NDST3: variants seen among roughly 807,000 people sequenced by gnomAD.
The protein encoded by NDST3 is N-deacetylase and N-sulfotransferase 3, also known as bifunctional heparan sulfate N-deacetylase/N-sulfotransferase 3.
Under a neutral mutation model 96.1 loss-of-function variants are expected in NDST3, and 58 were observed. The observed-to-expected ratio is 0.60, with a 90% CI of 0.49 to 0.75. The LOEUF is 0.75. Ranked by LOEUF, NDST3 falls within the 30% of genes least tolerant of loss-of-function variation. NDST3 has a pLI of 0.00. For synonymous variants in NDST3, 333 were observed against 359.7 expected (o/e 0.93, Z 0.84); for missense variants, 788 against 1,034.2 (o/e 0.76, Z 3.27).
At chr4:118,171,273 G>A (rs1232463654) in intron 6 of NDST3, among the ~76,000 whole-genome samples, 1 of 152,002 alleles carries the variant, frequency 6.6e-6, no homozygotes, top group East Asian at 1.9e-4. Context: ...CTACAAATTT[G>A]GGCCAGGAGA....
chr4:118,183,227 C>T (rs982572203), intron 6 of NDST3, among the ~76,000 whole-genome samples: 4 of 152,114 alleles, frequency 2.6e-5, no homozygotes, highest in Admixed American at 1.3e-4. Flanking sequence ...TCTGTTGTTC[C>T]AGAATCTCAT....
intron 6 of NDST3, among the ~76,000 whole-genome samples, chr4:118,195,637 T>C (rs1252354245): frequency 6.6e-6 from 1 of 152,248 alleles, no homozygotes; most frequent in Non-Finnish European, 1.5e-5. Flanking sequence ...GATTACTTTC[T>C]TGATTTCTTT....
intron 2 of NDST3, among the ~76,000 whole-genome samples, chr4:118,094,582 C>G (rs542053417): frequency 6.6e-6 from 1 of 151,688 alleles, no homozygotes; most frequent in Non-Finnish European, 1.5e-5. Context: ...CTCTATTTAC[C>G]CTTTAGTTAC....
Position 118,258,375 on chromosome 4 carries a change from A to G in NDST3, c.*2663A>G, listed in dbSNP as rs1742236971. On this transcript the variant is annotated 3_prime_UTR_variant, in exon 14 of 14. Transcript: ENST00000296499. ...TGAAAGTAACATAAATACATATGAG[A>G]GAATAATGAGAGATAATCTGATTTA... 1 of 152,228 alleles carries G rather than the reference A, an allele frequency of 6.6e-6. No homozygotes were observed. Among genetic ancestry groups the G allele is most frequent in the South Asian group, 2.1e-4 (1 of 4,832 alleles). 9.4% of individuals were successfully genotyped at this position (152,228 alleles called of 1,614,324 possible). A position where few individuals can be genotyped will look rare whatever the true frequency, so the allele number is the denominator to read the frequency against.
At chr4:118,174,417 T>A (rs1267742165) in intron 6 of NDST3, among the ~76,000 whole-genome samples, 1 of 152,154 alleles carries the variant, frequency 6.6e-6, no homozygotes, top group Non-Finnish European at 1.5e-5. Flanking sequence ...ACAAGAGAAA[T>A]CAGATCTGAT....
At chr4:118,068,827 G>A (rs1337522248) in intron 2 of NDST3, among the ~76,000 whole-genome samples, 2 of 152,040 alleles carry the variant, frequency 1.3e-5, no homozygotes, top group African/African-American at 4.8e-5. Context: ...ATATATAATG[G>A]AAAGAGGTCA....
At chr4:118,094,576 AT>A (rs1160172411) in intron 2 of NDST3, among the ~76,000 whole-genome samples, 3 of 151,688 alleles carry the variant, frequency 2.0e-5, no homozygotes, top group Admixed American at 1.3e-4. Context: ...CATTATCTCT[AT>A]TTACCCTTTA....
chr4:118,204,747 T>C (rs1030895325), intron 6 of NDST3, among the ~76,000 whole-genome samples: 4 of 144,856 alleles, frequency 2.8e-5, no homozygotes, highest in Non-Finnish European at 6.1e-5. Context: ...TGAATATAAA[T>C]ATAAATCTAT....
At chr4:118,171,506 GT>G (rs1206338641) in intron 6 of NDST3, among the ~76,000 whole-genome samples, 1 of 149,994 alleles carries the variant, frequency 6.7e-6, no homozygotes, top group African/African-American at 2.5e-5. Flanking sequence ...ATCCACTGGG[GT>G]TTTTTTGTCT....
Position 118,253,494 on chromosome 4 carries a change from T to C in NDST3, c.2400-5T>C. The stretch of plus-strand genomic sequence containing the variant: ...TTTTTCTGTGTGTATTCTTTTTTTT[T>C]TTAGGTTTGATTCTCATAAAGGTTT... On this transcript the variant is annotated splice_region_variant and splice_polypyrimidine_tract_variant and intron_variant, in intron 12 of 13. Transcript: ENST00000296499. 2 of 1,586,468 alleles carry C rather than the reference T, an allele frequency of 1.3e-6. No individual in the cohort carries two copies. Among genetic ancestry groups the C allele is most frequent in the East Asian group, 2.2e-5 (1 of 44,602 alleles).
At chr4:118,116,771 T>C (rs981995894) in intron 4 of NDST3, among the ~76,000 whole-genome samples, 2 of 151,480 alleles carry the variant, frequency 1.3e-5, no homozygotes, top group Non-Finnish European at 2.9e-5. Flanking sequence ...GGCAGGAGAA[T>C]GGTATGAACC....
At chr4:118,197,517 T>A (rs1737774439) in intron 6 of NDST3, among the ~76,000 whole-genome samples, 1 of 152,186 alleles carries the variant, frequency 6.6e-6, no homozygotes, top group African/African-American at 2.4e-5. Context: ...ATATTTAAAA[T>A]CGTTATATCC....
rs34436506 is a variant in NDST3 at position 118,247,206 on chromosome 4, T to TAAA, written c.2399+5070_2399+5072dup. ...GTTATATCCACACACCAGGGGGGTT[T>TAAA]AAAAAAAAAAAAAAAGGAATGTCCA... On this transcript the variant is annotated intron_variant, in intron 12 of 13. Coordinates refer to ENST00000296499, the MANE Select transcript of NDST3 (RefSeq NM_004784.3). 3.0e-3 allele frequency among the ~76,000 whole-genome samples: 425 copies of TAAA among 142,808 alleles called. 1 individual carries two copies. The highest frequency in any genetic ancestry group is 0.01 in the African/African-American group (408 of 39,032). 93.7% of individuals were successfully genotyped at this position (142,808 alleles called of 152,430 possible). A position where few individuals can be genotyped will look rare whatever the true frequency, so the allele number is the denominator to read the frequency against.
intron 6 of NDST3, among the ~76,000 whole-genome samples, chr4:118,203,810 C>T (rs1219051150): frequency 1.3e-5 from 2 of 152,124 alleles, no homozygotes; most frequent in Admixed American, 1.3e-4. Context: ...CCATTTTTAT[C>T]TTGAATCTTA....
upstream of NDST3, chr4:118,033,472 GC>G (rs1723984868): frequency 1.3e-5 from 2 of 152,044 alleles, no homozygotes; most frequent in Non-Finnish European, 2.9e-5. Context: ...CGAGGCCCGG[GC>G]AGCCAGATCC....
intron 6 of NDST3, among the ~76,000 whole-genome samples, chr4:118,148,461 G>A (rs915395073): frequency 2.0e-5 from 3 of 152,030 alleles, no homozygotes; most frequent in African/African-American, 7.2e-5. Context: ...TTGTCTCTCT[G>A]TTTCTCAATT....
chr4:118,065,437 T>G (rs146684398), intron 2 of NDST3, among the ~76,000 whole-genome samples: 11 of 152,232 alleles, frequency 7.2e-5, no homozygotes, highest in African/African-American at 2.6e-4. Context: ...TTCCTTCACT[T>G]AGATGTCTTA....
At position 118,125,869 on chromosome 4, in the gene NDST3, C is replaced by T. The variant is rs183656518; in HGVS notation, c.1224+10909C>T. ...ATTTAATAATCTTTGCATGTAGTAC[C>T]AAATCTAAATTCCCTAATCTAATGA... is the stretch of plus-strand genomic sequence containing the variant. On this transcript the variant is annotated intron_variant, in intron 4 of 13. Coordinates refer to ENST00000296499, the MANE Select transcript of NDST3 (RefSeq NM_004784.3). Among the ~76,000 whole-genome samples, 572 of 152,066 alleles carry T rather than the reference C, an allele frequency of 3.8e-3. 7 individuals carry two copies. The highest frequency in any genetic ancestry group is 0.013 in the African/African-American group (540 of 41,514).
chr4:118,081,615 C>T (rs559861768), intron 2 of NDST3, among the ~76,000 whole-genome samples: 5 of 152,080 alleles, frequency 3.3e-5, no homozygotes, highest in Non-Finnish European at 5.9e-5. Flanking sequence ...GAGGCAAAGG[C>T]TGTTATGGGC....
Sources: allele counts gnomAD v4.1 joint callset (sites outside exome capture counted in the v4.1 genomes callset), GRCh38; gene constraint gnomAD v4.1.1; transcripts MANE v1.5; gene names NCBI Gene and HGNC (gene_info 2026-07-23, HGNC 2026-07-21).